MYO10: variants seen among roughly 807,000 people sequenced by gnomAD.
MYO10 encodes the protein myosin X.
Under a neutral mutation model 257.3 loss-of-function variants are expected in MYO10, and 133 were observed. The ratio of observed to expected loss-of-function variants is 0.52; its 90% CI spans 0.45 to 0.60. The LOEUF is 0.60. Ranked by LOEUF, MYO10 falls within the 20% of genes least tolerant of loss-of-function variation. MYO10 has a pLI of 0.00. For missense variants in MYO10, 2,399 were observed against 2,635.7 expected, an observed-to-expected ratio of 0.91 and a Z score of 1.97; for synonymous variants, 1,104 against 1,028.6, an observed-to-expected ratio of 1.07 and a Z score of -1.40.
At chr5:16,821,815 G>A (rs1298152058) in intron 2 of MYO10, among the ~76,000 whole-genome samples, 1 of 151,800 alleles carries the variant, frequency 6.6e-6, no homozygotes, top group South Asian at 2.1e-4. Context: ...TTCCAGGGGT[G>A]GAAAAATCAA....
chr5:16,722,701 A>G (rs546153463), intron 19 of MYO10, among the ~76,000 whole-genome samples: 1 of 152,336 alleles, frequency 6.6e-6, no homozygotes, highest in Non-Finnish European at 1.5e-5. Context: ...TCATAGACCT[A>G]TGTATGTAAT....
Position 16,932,142 on chromosome 5 carries a change from T to C in MYO10, c.21+3646A>G, listed in dbSNP as rs186272340. On this transcript the variant is annotated intron_variant, in intron 1 of 40. Coordinates refer to ENST00000513610, the MANE Select transcript of MYO10 (RefSeq NM_012334.3). The stretch of plus-strand genomic sequence containing the variant: ...GTCTGGAATATTTTCCACTAACAAT[T>C]TATCCCTTAAACATTAATACCTGCT... Among the ~76,000 whole-genome samples the C allele has an allele frequency of 5.3e-5, 8 of 152,320 alleles. No individual in the cohort carries two copies. The East Asian group carries it at 1.3e-3, about 26-fold the overall frequency.
chr5:16,821,761 CG>C (rs1561002615), intron 2 of MYO10, among the ~76,000 whole-genome samples: 1 of 151,784 alleles, frequency 6.6e-6, no homozygotes, highest in African/African-American at 2.4e-5. Context: ...CCACCGCGCC[CG>C]GCCCCTTTCC....
intron 9 of MYO10, among the ~76,000 whole-genome samples, chr5:16,778,553 T>G (rs969788547): frequency 1.3e-5 from 2 of 151,910 alleles, no homozygotes; most frequent in Non-Finnish European, 2.9e-5. Context: ...ACGTACGCAC[T>G]GGGGGAAGTG....
chr5:16,884,004 C>T lies in MYO10; in HGVS notation c.22-6297G>A, dbSNP rs189433675. On this transcript the variant is annotated intron_variant, in intron 1 of 40. Coordinates refer to ENST00000513610, the MANE Select transcript of MYO10 (RefSeq NM_012334.3). The stretch of plus-strand genomic sequence containing the variant: ...GCTCATCTCCCACAGCTGTTTCTCT[C>T]GCCTATGTTAAGTACCTCAGTTCAG... 1.5e-3 allele frequency among the ~76,000 whole-genome samples: 225 copies of T among 152,316 alleles called. 1 individual carries two copies. Among genetic ancestry groups the T allele is most frequent in the African/African-American group, 5.1e-3 (211 of 41,572 alleles).
chr5:16,744,118 T>C (rs1383673334), intron 19 of MYO10, among the ~76,000 whole-genome samples: 2 of 152,198 alleles, frequency 1.3e-5, no homozygotes, highest in African/African-American at 4.8e-5. Flanking sequence ...CTGTCAGAAG[T>C]GATTTAAAAC....
At chr5:16,743,573 G>A (rs1048854610) in intron 19 of MYO10, among the ~76,000 whole-genome samples, 2 of 151,902 alleles carry the variant, frequency 1.3e-5, no homozygotes, top group Non-Finnish European at 2.9e-5. Context: ...AACTCGGGAG[G>A]CAGTGGTTGC....
chr5:16,842,103 T>C (rs1212073839), intron 2 of MYO10, among the ~76,000 whole-genome samples: 2 of 152,140 alleles, frequency 1.3e-5, no homozygotes, highest in Non-Finnish European at 2.9e-5. Flanking sequence ...AGTAAAACTT[T>C]AAAAAGAAGC....
chr5:16,767,013 C>A (rs1325549820), intron 10 of MYO10, among the ~76,000 whole-genome samples: 5 of 151,926 alleles, frequency 3.3e-5, no homozygotes, highest in African/African-American at 1.2e-4. Flanking sequence ...GCATGAGCCA[C>A]CATGCCCGGC....
intron 2 of MYO10, among the ~76,000 whole-genome samples, chr5:16,830,525 C>T (rs889008868): frequency 5.3e-5 from 8 of 151,986 alleles, no homozygotes; most frequent in Admixed American, 1.3e-4. Flanking sequence ...TCAAACTCTT[C>T]GAGCCAGTCT....
At chr5:16,934,583 C>CT (rs1353931377) in intron 1 of MYO10, among the ~76,000 whole-genome samples, 1 of 152,166 alleles carries the variant, frequency 6.6e-6, no homozygotes, top group Non-Finnish European at 1.5e-5. Context: ...ATATATTTCA[C>CT]TTTTTTTAAG....
intron 2 of MYO10, among the ~76,000 whole-genome samples, chr5:16,831,026 C>T (rs921074143): frequency 6.6e-6 from 1 of 152,060 alleles, no homozygotes; most frequent in Admixed American, 6.6e-5. Context: ...GGATGTTACG[C>T]TCTGGTTTTG....
chr5:16,708,592 C>T (rs1457254673), intron 21 of MYO10, among the ~76,000 whole-genome samples: 1 of 152,198 alleles, frequency 6.6e-6, no homozygotes. Flanking sequence ...GACAAGGTTT[C>T]ACTCTGTCGC....
intron 4 of MYO10, among the ~76,000 whole-genome samples, chr5:16,794,386 A>ATT (rs1200556415): frequency 0.5 from 71,816 of 142,364 alleles, 17,892 homozygotes; most frequent in South Asian, 0.61. Context: ...GTTGCTTTAA[A>ATT]AAAAAAAAAA....
chr5:16,803,592 T>C (rs1017906903), intron 3 of MYO10, among the ~76,000 whole-genome samples: 1 of 152,204 alleles, frequency 6.6e-6, no homozygotes, highest in African/African-American at 2.4e-5. Flanking sequence ...AGATATTATG[T>C]TGTGGCTGGC....
chr5:16,715,706 A>C (rs893249090), intron 19 of MYO10, among the ~76,000 whole-genome samples: 3 of 152,160 alleles, frequency 2.0e-5, no homozygotes, highest in African/African-American at 4.8e-5. Context: ...GATTTTAAAT[A>C]AGGCAATTAC....
rs1329896533 is a variant in MYO10, at chr5:16,664,795, C to CTTCT, written c.*1893_*1896dup. ...TGTGTGTGACTTCATTTACCAGTCC[C>CTTCT]TTCTTTTGCTTTCTTGAAGTCACAC... On this transcript the variant is annotated 3_prime_UTR_variant, in exon 41 of 41. Transcript: ENST00000513610. 5 of 152,288 alleles carry CTTCT rather than the reference C, an allele frequency of 3.3e-5. No homozygotes were observed. The East Asian group carries it at 9.6e-4, about 29-fold the overall frequency. 9.4% of individuals were successfully genotyped at this position (152,288 alleles called of 1,614,324 possible).
At chr5:16,826,564 C>T (rs1005059206) in intron 2 of MYO10, among the ~76,000 whole-genome samples, 26 of 152,136 alleles carry the variant, frequency 1.7e-4, no homozygotes, top group South Asian at 4.1e-4. Flanking sequence ...ACACACTCTC[C>T]GGAACAGCTC....
At chr5:16,704,882 A>G (rs1029251562) in intron 21 of MYO10, among the ~76,000 whole-genome samples, 197 bp from the exon 22 acceptor site, 5 of 152,204 alleles carry the variant, frequency 3.3e-5, no homozygotes, top group African/African-American at 1.2e-4. Context: ...TCCAATAAAG[A>G]TATATTACAA....
Sources: gnomAD v4.1 joint callset for allele counts (sites outside exome capture counted in the v4.1 genomes callset) on GRCh38, gnomAD v4.1.1 for gene constraint, MANE v1.5 for transcripts, NCBI Gene and HGNC (gene_info 2026-07-23, HGNC 2026-07-21) for gene names.